The following SAYSD1 variants were observed in gnomAD, a reference collection of about 807,000 sequenced individuals.
The protein encoded by SAYSD1 is SAYSVFN motif domain containing 1.
SAYSD1 carries 15 observed loss-of-function variants against 14.5 expected under a neutral mutation model. That is an observed-to-expected ratio of 1.03 (90% CI 0.69 to 1.59). SAYSD1 has a LOEUF of 1.59. SAYSD1 is among the 40% of genes most tolerant of loss of function. The probability of loss-of-function intolerance (pLI) is 0.00; values close to 1 mark genes in which losing one functional copy is unlikely to be tolerated. For synonymous variants in SAYSD1, 105 were observed against 102.6 expected, an observed-to-expected ratio of 1.02 and a Z score of -0.14; for missense variants, 247 against 227.3, an observed-to-expected ratio of 1.09 and a Z score of -0.56.
In SAYSD1 at chr6:39,105,789, A is replaced by G; in HGVS notation, c.208-13T>C. ...GCTGAGCCGCTTCCTAGGATACACA[A>G]ACAAACAAAAGAAAGAATAAAGGGT... is the stretch of plus-strand genomic sequence containing the variant. On this transcript the variant is annotated splice_polypyrimidine_tract_variant and intron_variant, in intron 1 of 1. Transcript: ENST00000229903. 6.2e-7 allele frequency: 1 copy of G among 1,605,316 alleles called. No individual in the cohort carries two copies. Among genetic ancestry groups the G allele is most frequent in the Non-Finnish European group, 8.5e-7 (1 of 1,174,878 alleles).
At chr6:39,107,384 T>G (rs1034474151) in intron 1 of SAYSD1, among the ~76,000 whole-genome samples, 1 of 152,150 alleles carries the variant, frequency 6.6e-6, no homozygotes, top group African/African-American at 2.4e-5. Context: ...ACCAAACTAT[T>G]CAGCACTACA....
chr6:39,105,517 T>A lies in SAYSD1; in HGVS notation c.467A>T (p.Asn156Ile). The change falls in exon 2 of 2, where the codon AAT (asparagine) becomes ATT (isoleucine). Residue 156 changes from asparagine to isoleucine, a missense_variant. By Grantham distance (149) the Asn-to-Ile change is moderately radical (BLOSUM62 -3). Transcript: ENST00000229903. ...GCCCTGGATGGCTTCACAGCCTGGA[T>A]TGAACACAGAGTAGGCGCTCTTCTC... Reference protein sequence around the residue: ...EGEKSAYSVFNPGCEAIQGTL... With the variant: ...EGEKSAYSVFIPGCEAIQGTL... The A allele has an allele frequency of 6.2e-7, 1 of 1,614,192 alleles. No individual in the cohort carries two copies. The highest frequency in any genetic ancestry group is 8.5e-7 in the Non-Finnish European group (1 of 1,180,036).
intron 1 of SAYSD1, chr6:39,109,531 C>T: frequency 2.8e-6 from 4 of 1,447,516 alleles, no homozygotes; most frequent in Non-Finnish European, 3.6e-6. Flanking sequence ...GCCGCAGTGG[C>T]TTTGTTGCTC....
At position 39,105,542 on chromosome 6, in the gene SAYSD1, C is replaced by G; in HGVS notation, c.442G>C (p.Glu148Gln). The change falls in exon 2 of 2, where the codon GAG becomes CAG. Residue 148 changes from glutamate to glutamine, a missense_variant. By Grantham distance (29) the Glu-to-Gln change is conservative (BLOSUM62 2). Transcript: ENST00000229903. ...TTGAACACAGAGTAGGCGCTCTTCT[C>G]TCCCTCTTTCTTCTCTTCAGGGCCT... Reference protein sequence around the residue: ...TRGPEEKKEGEKSAYSVFNPG... With the variant: ...TRGPEEKKEGQKSAYSVFNPG... 6.2e-7 allele frequency: 1 copy of G among 1,614,246 alleles called. No individual in the cohort carries two copies. Among genetic ancestry groups the G allele is most frequent in the Non-Finnish European group, 8.5e-7 (1 of 1,180,050 alleles).
chr6:39,105,712 G>C lies in SAYSD1; in HGVS notation c.272C>G (p.Ser91Trp), dbSNP rs1047261961. 4.4e-5 allele frequency: 71 copies of C among 1,614,074 alleles called. No homozygotes were observed. The highest frequency in any genetic ancestry group is 5.4e-5 in the Non-Finnish European group (64 of 1,180,038). Residue 91 changes from serine (S) to tryptophan (W), a missense_variant, in exon 2 of 2, where the codon TCG becomes TGG. By Grantham distance (177) the Ser-to-Trp change is radical (BLOSUM62 -3). Transcript: ENST00000229903. ...TPWNTAIPLP[S>W]CWDQSFLTNI... ...GGTCAGGAAAGACTGGTCCCAGCACGACGGCAGAGGAATGGCTGTGTTCCA... is the reference window on the plus strand; with the variant it reads ...GGTCAGGAAAGACTGGTCCCAGCACCACGGCAGAGGAATGGCTGTGTTCCA...
intron 1 of SAYSD1, among the ~76,000 whole-genome samples, chr6:39,108,197 G>GT (rs1262541911): frequency 6.6e-6 from 1 of 152,122 alleles, no homozygotes; most frequent in East Asian, 1.9e-4. Context: ...GCCTTCCAAT[G>GT]TATGAACTCT....
Position 39,114,888 on chromosome 6 carries a change from C to G in SAYSD1, c.202G>C (p.Val68Leu), listed in dbSNP as rs1385103441. The G allele has an allele frequency of 6.2e-7, 1 of 1,612,180 alleles. No homozygotes were observed. Among genetic ancestry groups the G allele is most frequent in the South Asian group, 1.1e-5 (1 of 91,036 alleles). Residue 68 changes from valine (V) to leucine (L), a missense_variant, in exon 1 of 2, where the codon GTT (valine) becomes CTT (leucine). Physicochemically the swap from Val to Leu is conservative, Grantham distance 32. Coordinates refer to ENST00000229903, the MANE Select transcript of SAYSD1 (RefSeq NM_018322.3). Reference protein sequence around the residue: ...PASARAQPGLVQEAAQPQGST... With the variant: ...PASARAQPGLLQEAAQPQGST... ...CGAAGTTTCCATCGTCTCACCTGAA[C>G]TAGGCCGGGCTGGGCCCGGGCACTC...
At chr6:39,109,044 T>A (rs1384870348) in intron 1 of SAYSD1, among the ~76,000 whole-genome samples, 1 of 152,084 alleles carries the variant, frequency 6.6e-6, no homozygotes, top group Non-Finnish European at 1.5e-5. Flanking sequence ...ATGACAAGAT[T>A]TTTGTTGAAT....
chr6:39,108,860 T>C (rs1769567418), intron 1 of SAYSD1, among the ~76,000 whole-genome samples: 1 of 152,208 alleles, frequency 6.6e-6, no homozygotes, highest in South Asian at 2.1e-4. Flanking sequence ...TAATTCACTA[T>C]CACAGTCTAC....
At position 39,115,183 on chromosome 6, in the gene SAYSD1, G is replaced by T. The variant is rs1583671068; in HGVS notation, c.-94C>A. ...GCTCGGCCCGCGCCGGCCGCCGTGC[G>T]CCTGCGTGGCAGAAGCCCCTGCTGA... On this transcript the variant is annotated 5_prime_UTR_variant, in exon 1 of 2. Transcript: ENST00000229903. 3 of 1,223,374 alleles carry T rather than the reference G, an allele frequency of 2.5e-6. No homozygotes were observed. Among genetic ancestry groups the T allele is most frequent in the East Asian group, 2.6e-5 (1 of 38,272 alleles). 75.8% of individuals were successfully genotyped at this position (1,223,374 alleles called of 1,614,324 possible).
chr6:39,108,630 T>C (rs1291556186), intron 1 of SAYSD1, among the ~76,000 whole-genome samples: 1 of 152,162 alleles, frequency 6.6e-6, no homozygotes, highest in Non-Finnish European at 1.5e-5. Context: ...GCTTCTTACC[T>C]TAGGGCCTCT....
Position 39,105,368 on chromosome 6 carries a change from A to T in SAYSD1, c.*64T>A, listed in dbSNP as rs189333085. Reference sequence around the variant, plus strand: ...CCTTAGTCCTATACACCTGAAATCAAATCCATAGCCAATGGTGAGGAAGAC... The same window carrying T: ...CCTTAGTCCTATACACCTGAAATCATATCCATAGCCAATGGTGAGGAAGAC... On this transcript the variant is annotated 3_prime_UTR_variant, in exon 2 of 2. Coordinates refer to ENST00000229903, the MANE Select transcript of SAYSD1 (RefSeq NM_018322.3). 7.1e-4 allele frequency: 1,024 copies of T among 1,436,748 alleles called. 4 individuals are homozygous for T. The highest frequency in any genetic ancestry group is 6.7e-3 in the Middle Eastern group (33 of 4,922). The allele number at this position is 1,436,748 out of a possible 1,614,324, so 89.0% of individuals were successfully genotyped here. A position where few individuals can be genotyped will look rare whatever the true frequency, so the allele number is the denominator to read the frequency against.
At chr6:39,106,241 A>G (rs997306897) in intron 1 of SAYSD1, among the ~76,000 whole-genome samples, 1 of 124,516 alleles carries the variant, frequency 8.0e-6, no homozygotes, top group Non-Finnish European at 1.8e-5. Flanking sequence ...TTTTACGTTT[A>G]AAAAAAAAAA....
In SAYSD1 at chr6:39,114,882, C is replaced by A. The variant is rs760682587; in HGVS notation, c.207+1G>T. 3 of 1,611,672 alleles carry A rather than the reference C, an allele frequency of 1.9e-6. No homozygotes were observed. Among genetic ancestry groups the A allele is most frequent in the Non-Finnish European group, 1.7e-6 (2 of 1,179,604 alleles). On this transcript the variant is annotated splice_donor_variant, in intron 1 of 1. Transcript: ENST00000229903. LOFTEE classifies it high-confidence loss of function. ...TAGGGCCGAAGTTTCCATCGTCTCACCTGAACTAGGCCGGGCTGGGCCCGG... is the reference window on the plus strand; with the variant it reads ...TAGGGCCGAAGTTTCCATCGTCTCAACTGAACTAGGCCGGGCTGGGCCCGG...
At position 39,105,534 on chromosome 6, in the gene SAYSD1, G is replaced by T; in HGVS notation, c.450C>A (p.Ser150Arg). 6.2e-7 allele frequency: 1 copy of T among 1,614,212 alleles called. No individual in the cohort carries two copies. Among genetic ancestry groups the T allele is most frequent in the Admixed American group, 1.7e-5 (1 of 60,022 alleles). Residue 150 changes from serine to arginine, a missense_variant, in exon 2 of 2, where the codon AGC becomes AGA. Coordinates refer to ENST00000229903, the MANE Select transcript of SAYSD1 (RefSeq NM_018322.3). ...GPEEKKEGEK[S>R]AYSVFNPGCE... Reference sequence around the variant, plus strand: ...AGCCTGGATTGAACACAGAGTAGGCGCTCTTCTCTCCCTCTTTCTTCTCTT... The same window carrying T: ...AGCCTGGATTGAACACAGAGTAGGCTCTCTTCTCTCCCTCTTTCTTCTCTT...
At chr6:39,108,423 T>TGGG (rs11451700) in intron 1 of SAYSD1, among the ~76,000 whole-genome samples, 3 of 95,548 alleles carry the variant, frequency 3.1e-5, no homozygotes, top group East Asian at 2.5e-4. Flanking sequence ...TAGATGGGTG[T>TGGG]GGGGGTGGGG....
intron 1 of SAYSD1, chr6:39,111,375 AAAG>A (rs1044902559): frequency 6.6e-6 from 1 of 151,996 alleles, no homozygotes; most frequent in Non-Finnish European, 1.5e-5. Context: ...AAGAAGCTAG[AAAG>A]AAGCACGAAA....
intron 1 of SAYSD1, chr6:39,109,671 A>G: frequency 9.0e-7 from 1 of 1,114,916 alleles, no homozygotes; most frequent in Non-Finnish European, 1.1e-6. Flanking sequence ...CCTGAGATTA[A>G]AAGGTGTGGG....
At chr6:39,113,325 A>C (rs1270738851) in intron 1 of SAYSD1, 1 of 152,668 alleles carries the variant, frequency 6.6e-6, no homozygotes, top group Non-Finnish European at 1.5e-5. Flanking sequence ...AATTTAAAAA[A>C]ATAGAATGCT....
Sources: gnomAD v4.1 joint callset for allele counts (sites outside exome capture counted in the v4.1 genomes callset) on GRCh38, gnomAD v4.1.1 for gene constraint, MANE v1.5 for transcripts, NCBI Gene and HGNC (gene_info 2026-07-23, HGNC 2026-07-21) for gene names.